LPXN: variants seen among roughly 807,000 people sequenced by gnomAD.
LPXN encodes the protein leupaxin.
A neutral mutation model predicts 45.6 loss-of-function variants in LPXN; 28 were observed. The observed-to-expected ratio is 0.61, with a 90% CI of 0.45 to 0.84. The LOEUF (loss-of-function observed/expected upper bound fraction) is 0.84. Ranked by LOEUF, LPXN falls within the 40% of genes least tolerant of loss-of-function variation. The pLI is 0.00. For synonymous variants in LPXN, 166 were observed against 169.9 expected (o/e 0.98, Z 0.18); for missense variants, 459 against 475.0 (o/e 0.97, Z 0.31).
At chr11:58,574,716 G>C (rs1215123177) in intron 1 of LPXN, among the ~76,000 whole-genome samples, 3 of 152,204 alleles carry the variant, frequency 2.0e-5, no homozygotes, top group African/African-American at 7.2e-5. Context: ...TATCAAAATA[G>C]ACTTTACCTC....
intron 3 of LPXN, among the ~76,000 whole-genome samples, chr11:58,560,330 TAGA>T (rs967857637): frequency 8.5e-5 from 13 of 152,192 alleles, no homozygotes; most frequent in African/African-American, 3.1e-4. Context: ...AGTCACAGTG[TAGA>T]GCTTTCTATT....
At chr11:58,574,515 TTA>T (rs1854815647) in intron 1 of LPXN, among the ~76,000 whole-genome samples, 1 of 152,164 alleles carries the variant, frequency 6.6e-6, no homozygotes, top group Non-Finnish European at 1.5e-5. Flanking sequence ...TAAATAAGTA[TTA>T]GTTTCCTTTT....
chr11:58,568,912 G>A (rs1457059835), intron 2 of LPXN, among the ~76,000 whole-genome samples: 1 of 152,164 alleles, frequency 6.6e-6, no homozygotes, highest in Non-Finnish European at 1.5e-5. Context: ...TTGAGTAGAA[G>A]AATGACAGGG....
At chr11:58,570,860 C>T (rs1046927557) in intron 1 of LPXN, 147 bp from the exon 2 acceptor site, 5 of 546,740 alleles carry the variant, frequency 9.1e-6, no homozygotes, top group African/African-American at 3.8e-5. Context: ...TTCCTTATTT[C>T]ACTTCAAGAA....
intron 1 of LPXN, among the ~76,000 whole-genome samples, chr11:58,573,754 G>A (rs1483625600): frequency 6.6e-6 from 1 of 152,086 alleles, no homozygotes; most frequent in Non-Finnish European, 1.5e-5. Flanking sequence ...CTAGACTGAA[G>A]ACTCCATAAT....
chr11:58,527,520 GC>G lies in LPXN; in HGVS notation c.1094del (p.Gly365AlafsTer26), dbSNP rs745854548. ...TCTTGTCATTCTGCTCCCTGAAAATGCCCTTCGACAACTGTGTCAGGCAGAA... is the reference window on the plus strand; with the variant it reads ...TCTTGTCATTCTGCTCCCTGAAAATGCCTTCGACAACTGTGTCAGGCAGAA... ...CAFCLTQLSKGIFREQNDKTY... is the reference protein window; with the variant it reads ...CAFCLTQLSKXIFREQNDKTY... On this transcript the variant is annotated frameshift_variant, in exon 9 of 9. Transcript: ENST00000395074. LOFTEE classifies it high-confidence loss of function. The G allele has an allele frequency of 4.3e-6, 7 of 1,614,058 alleles. No individual in the cohort carries two copies. The highest frequency in any genetic ancestry group is 5.9e-6 in the Non-Finnish European group (7 of 1,180,038).
chr11:58,567,660 G>A (rs1268343891), intron 2 of LPXN, among the ~76,000 whole-genome samples: 1 of 152,216 alleles, frequency 6.6e-6, no homozygotes, highest in African/African-American at 2.4e-5. Flanking sequence ...TTTGGAAATA[G>A]ATGCCAAAGC....
At chr11:58,558,540 CAAAAAAAA>C (rs35870490) in intron 3 of LPXN, among the ~76,000 whole-genome samples, 22 of 48,018 alleles carry the variant, frequency 4.6e-4, no homozygotes, top group African/African-American at 1.4e-3. Flanking sequence ...GAGACCCTGT[CAAAAAAAA>C]AAAAAAAAAA....
At chr11:58,561,762 T>G (rs997294447) in intron 3 of LPXN, among the ~76,000 whole-genome samples, 7 of 152,256 alleles carry the variant, frequency 4.6e-5, no homozygotes, top group Admixed American at 1.3e-4. Context: ...CCCACTGGTT[T>G]TTAACTAGAG....
rs1204702713 is a variant in LPXN, at chr11:58,550,140, G to T, written c.493C>A (p.His165Asn). ...CQKPIAGKVIHALGQSWHPEH... is the reference protein window; with the variant it reads ...CQKPIAGKVINALGQSWHPEH... The stretch of plus-strand genomic sequence containing the variant: ...GGATGCCATGATTGCCCTAGAGCAT[G>T]GATCACCTGTGGAGTGAAATAAAGC... Residue 165 changes from histidine (H) to asparagine (N), a missense_variant, in exon 6 of 9, where the codon CAT becomes AAT. Physicochemically the swap from His to Asn is moderately conservative, Grantham distance 68 (BLOSUM62 1). Coordinates refer to ENST00000395074, the MANE Select transcript of LPXN (RefSeq NM_004811.3). 4 of 1,613,304 alleles carry T rather than the reference G, an allele frequency of 2.5e-6. No individual in the cohort carries two copies. Among genetic ancestry groups the T allele is most frequent in the Non-Finnish European group, 3.4e-6 (4 of 1,179,282 alleles).
At chr11:58,561,494 T>C (rs1162696541) in intron 3 of LPXN, among the ~76,000 whole-genome samples, 1 of 152,216 alleles carries the variant, frequency 6.6e-6, no homozygotes, top group Non-Finnish European at 1.5e-5. Flanking sequence ...AGTATGCAAG[T>C]AATTGATTCA....
At chr11:58,578,131 G>A (rs977436136), upstream of LPXN, 98 of 1,498,842 alleles carry the variant, frequency 6.5e-5, no homozygotes, top group Admixed American at 9.4e-5. Flanking sequence ...CCCCGAGAAA[G>A]GTACGCCAAC....
intron 7 of LPXN, among the ~76,000 whole-genome samples, chr11:58,548,176 A>C (rs948897324): frequency 5.3e-5 from 8 of 152,330 alleles, no homozygotes; most frequent in Middle Eastern, 3.4e-3. Flanking sequence ...CAGAATAAAA[A>C]TATTTTCAGA....
intron 3 of LPXN, among the ~76,000 whole-genome samples, chr11:58,563,927 T>C (rs1854453628): frequency 6.6e-6 from 1 of 152,162 alleles, no homozygotes; most frequent in Non-Finnish European, 1.5e-5. Flanking sequence ...GTAATGGACA[T>C]AGCAGGGCCC....
At chr11:58,537,445 A>G (rs1012696517) in intron 7 of LPXN, among the ~76,000 whole-genome samples, 1 of 152,096 alleles carries the variant, frequency 6.6e-6, no homozygotes, top group Non-Finnish European at 1.5e-5. Context: ...CTCACTCATA[A>G]GTGGGAGTTG....
intron 7 of LPXN, among the ~76,000 whole-genome samples, chr11:58,539,754 G>C (rs1159680558): frequency 6.6e-5 from 10 of 152,034 alleles, no homozygotes; most frequent in Admixed American, 2.6e-4. Context: ...CTTATTAATA[G>C]AAAGTGTCAA....
At position 58,538,605 on chromosome 11, in the gene LPXN, A is replaced by G. The variant is rs537766976; in HGVS notation, c.743-10414T>C. On this transcript the variant is annotated intron_variant, in intron 7 of 8. Coordinates refer to ENST00000395074, the MANE Select transcript of LPXN (RefSeq NM_004811.3). Reference sequence around the variant, plus strand: ...AGTGTCTTAAACTGTTTTTATATATACTGGAAATTTGCTGTGAGTAGATTC... The same window carrying G: ...AGTGTCTTAAACTGTTTTTATATATGCTGGAAATTTGCTGTGAGTAGATTC... Among the ~76,000 whole-genome samples, 10 of 152,192 alleles carry G rather than the reference A, an allele frequency of 6.6e-5. No individual in the cohort carries two copies. In the South Asian group the frequency reaches 1.7e-3, roughly 25 times the overall value.
chr11:58,546,102 C>T (rs11229522), intron 7 of LPXN, among the ~76,000 whole-genome samples: 1 of 152,130 alleles, frequency 6.6e-6, no homozygotes, highest in East Asian at 1.9e-4. Context: ...AAGGATATGC[C>T]ACCAGATGAG....
intron 7 of LPXN, among the ~76,000 whole-genome samples, chr11:58,541,018 C>A (rs900768459): frequency 3.9e-5 from 6 of 152,248 alleles, no homozygotes; most frequent in African/African-American, 1.4e-4. Context: ...CCCTTCCTTA[C>A]ACCTTATACA....
Sources: allele counts gnomAD v4.1 joint callset (sites outside exome capture counted in the v4.1 genomes callset), GRCh38; gene constraint gnomAD v4.1.1; transcripts MANE v1.5; gene names NCBI Gene and HGNC (gene_info 2026-07-23, HGNC 2026-07-21).